The following RHBDD1 variants were observed in gnomAD, a reference collection of about 807,000 sequenced individuals.
RHBDD1 encodes rhomboid domain containing 1.
Under a neutral mutation model 36.3 loss-of-function variants are expected in RHBDD1, and 38 were observed. That is an observed-to-expected ratio of 1.05 (90% confidence interval 0.81 to 1.37). The LOEUF is 1.37. Among genes scored for constraint, RHBDD1 ranks in the 40% most tolerant of loss-of-function variants. RHBDD1 has a pLI of 0.00. For synonymous variants in RHBDD1, 151 were observed against 136.5 expected, an observed-to-expected ratio of 1.11 and a Z score of -0.74; for missense variants, 393 against 377.6, an observed-to-expected ratio of 1.04 and a Z score of -0.34.
intron 8 of RHBDD1, among the ~76,000 whole-genome samples, chr2:226,922,712 T>C (rs1002174073): frequency 6.6e-6 from 1 of 152,172 alleles, no homozygotes; most frequent in Admixed American, 6.5e-5. Context: ...CCTTCCTGCC[T>C]TCCTTTTAGT....
At chr2:226,925,662 G>A (rs1295125296) in intron 8 of RHBDD1, among the ~76,000 whole-genome samples, 6 of 152,130 alleles carry the variant, frequency 3.9e-5, no homozygotes, top group African/African-American at 1.4e-4. Context: ...TTTTTATAAA[G>A]CTGCTTCCTT....
intron 8 of RHBDD1, among the ~76,000 whole-genome samples, chr2:226,931,081 AT>A (rs1950003733): frequency 6.6e-6 from 1 of 152,084 alleles, no homozygotes; most frequent in Non-Finnish European, 1.5e-5. Flanking sequence ...CAGTACAGAG[AT>A]TCTTCAAAGA....
rs192180380 is a variant in RHBDD1, at chr2:226,948,894, C to T, written c.856+34543C>T. Among the ~76,000 whole-genome samples, 3 of 152,316 alleles carry T rather than the reference C, an allele frequency of 2.0e-5. No homozygotes were observed. The East Asian group carries it at 5.8e-4, about 29-fold the overall frequency. On this transcript the variant is annotated intron_variant, in intron 8 of 8. Coordinates refer to ENST00000392062, the MANE Select transcript of RHBDD1 (RefSeq NM_001167608.3). ...TGATCCTATATCCAGAAAACCCCAT[C>T]GTCTCAGCTCAAAAGCCTCTTAAGC...
intron 8 of RHBDD1, among the ~76,000 whole-genome samples, chr2:226,958,489 T>C (rs1951937237): frequency 2.0e-5 from 3 of 152,174 alleles, no homozygotes; most frequent in African/African-American, 7.2e-5. Flanking sequence ...TACAGCTCTG[T>C]GAATATCATA....
intron 5 of RHBDD1, among the ~76,000 whole-genome samples, chr2:226,897,801 T>A (rs757188536): frequency 2.6e-5 from 4 of 152,030 alleles, no homozygotes; most frequent in Non-Finnish European, 5.9e-5. Flanking sequence ...CGAAACCCTG[T>A]CTCTACTAAA....
At chr2:226,949,399 A>T (rs1951259626) in intron 8 of RHBDD1, among the ~76,000 whole-genome samples, 1 of 152,174 alleles carries the variant, frequency 6.6e-6, no homozygotes, top group Admixed American at 6.5e-5. Flanking sequence ...GAGTCATAGC[A>T]TGTATACCAG....
At chr2:226,920,486 C>T (rs1385308382) in intron 8 of RHBDD1, among the ~76,000 whole-genome samples, 1 of 152,076 alleles carries the variant, frequency 6.6e-6, no homozygotes, top group East Asian at 1.9e-4. Context: ...GAAAGGCTTT[C>T]TGTTTTTCCC....
intron 8 of RHBDD1, among the ~76,000 whole-genome samples, chr2:226,933,428 A>T (rs1950151846): frequency 6.6e-6 from 1 of 152,090 alleles, no homozygotes; most frequent in African/African-American, 2.4e-5. Context: ...GTTCTGAGAA[A>T]ACCTGAAAGT....
intron 5 of RHBDD1, among the ~76,000 whole-genome samples, chr2:226,894,150 C>T (rs1314578113): frequency 6.6e-6 from 1 of 152,322 alleles, no homozygotes; most frequent in East Asian, 1.9e-4. Context: ...AAGCCTGCAT[C>T]TGTAACCACC....
intron 8 of RHBDD1, among the ~76,000 whole-genome samples, chr2:226,944,001 G>C (rs1441944874): frequency 4.6e-5 from 7 of 152,220 alleles, no homozygotes; most frequent in Non-Finnish European, 7.3e-5. Flanking sequence ...ATTGTTGACA[G>C]GCCATTGGCC....
chr2:226,921,277 G>GT (rs1363039285), intron 8 of RHBDD1, among the ~76,000 whole-genome samples: 18 of 151,768 alleles, frequency 1.2e-4, no homozygotes, highest in Admixed American at 3.3e-4. Context: ...TGTTGATTTT[G>GT]TTTATGTTTT....
chr2:226,823,951 T>C, the RHBDD1 span, among the ~76,000 whole-genome samples: 2 of 152,148 alleles, frequency 1.3e-5, no homozygotes, highest in Non-Finnish European at 2.9e-5. Flanking sequence ...CCCCTCATGA[T>C]TGAATCACAC....
chr2:226,894,571 T>A (rs890199337), intron 5 of RHBDD1, among the ~76,000 whole-genome samples: 14 of 152,212 alleles, frequency 9.2e-5, no homozygotes, highest in African/African-American at 3.4e-4. Context: ...GCACCCAGCC[T>A]ATAATTCATA....
At chr2:226,990,697 T>C (rs1957993052) in intron 8 of RHBDD1, among the ~76,000 whole-genome samples, 1 of 152,154 alleles carries the variant, frequency 6.6e-6, no homozygotes, top group Non-Finnish European at 1.5e-5. Flanking sequence ...CTGAACAGTT[T>C]TTCATCAAGA....
intron 8 of RHBDD1, among the ~76,000 whole-genome samples, chr2:226,924,223 A>C (rs980241920): frequency 2.0e-5 from 3 of 152,108 alleles, no homozygotes; most frequent in African/African-American, 7.2e-5. Context: ...TTTAGTCAGC[A>C]GGTGATGAAT....
chr2:226,810,960 C>G, the RHBDD1 span: 1 of 152,184 alleles, frequency 6.6e-6, no homozygotes, highest in Non-Finnish European at 1.5e-5. Flanking sequence ...CACATGGTGA[C>G]TTGCCCCACT....
intron 5 of RHBDD1, among the ~76,000 whole-genome samples, chr2:226,905,072 A>G (rs899715395): frequency 9.9e-5 from 15 of 152,094 alleles, no homozygotes; most frequent in African/African-American, 3.6e-4. Context: ...TGGAGTCTCC[A>G]TCAGGCTCTT....
chr2:226,920,988 A>T (rs1307983023), intron 8 of RHBDD1, among the ~76,000 whole-genome samples: 1 of 152,056 alleles, frequency 6.6e-6, no homozygotes, highest in Non-Finnish European at 1.5e-5. Context: ...CATTGGGTCC[A>T]GGGTTTTTCT....
chr2:226,856,677 AAG>A (rs1424959128), intron 3 of RHBDD1, among the ~76,000 whole-genome samples: 16 of 152,198 alleles, frequency 1.1e-4, no homozygotes, highest in Non-Finnish European at 1.9e-4. Flanking sequence ...GAAACAAAAT[AAG>A]AGAGAAAAAA....
Sources: allele counts gnomAD v4.1 joint callset (sites outside exome capture counted in the v4.1 genomes callset), GRCh38; gene constraint gnomAD v4.1.1; transcripts MANE v1.5; gene names NCBI Gene and HGNC (gene_info 2026-07-23, HGNC 2026-07-21).